DLGAP1: variants seen among roughly 807,000 people sequenced by gnomAD.
DLGAP1 encodes the protein disks large-associated protein 1.
Under a neutral mutation model 90.8 loss-of-function variants are expected in DLGAP1, and 11 were observed. That is an observed-to-expected ratio of 0.12 (90% CI 0.08 to 0.20). The LOEUF (loss-of-function observed/expected upper bound fraction) is 0.20, where lower values mean the gene tolerates loss of function less well. DLGAP1 is among the 10% of genes least tolerant of loss of function. The pLI, the probability that DLGAP1 is intolerant of heterozygous loss-of-function variation, is 1.00. For missense variants in DLGAP1, 1,050 were observed against 1,333.8 expected (o/e 0.79, Z 3.31); for synonymous variants, 558 against 540.7 (o/e 1.03, Z -0.44).
intron 1 of DLGAP1, among the ~76,000 whole-genome samples, chr18:4,442,496 T>C (rs907898364): frequency 6.6e-6 from 1 of 152,284 alleles, no homozygotes; most frequent in Admixed American, 6.5e-5. Flanking sequence ...CAAAATACAG[T>C]AACAGGTATC....
chr18:4,181,422 AT>A (rs2077205524), intron 1 of DLGAP1, among the ~76,000 whole-genome samples: 1 of 152,198 alleles, frequency 6.6e-6, no homozygotes, highest in African/African-American at 2.4e-5. Flanking sequence ...ACATTTTTTA[AT>A]TTCACAGGTG....
At chr18:4,147,585 CCATCCATCCATCCAT>C (rs2076606785) in intron 2 of DLGAP1, among the ~76,000 whole-genome samples, 7 of 89,166 alleles carry the variant, frequency 7.9e-5, no homozygotes, top group Admixed American at 7.7e-4. Context: ...ATCCATCCAT[CCATCCATCCATCCAT>C]CCATCCATCC....
chr18:3,566,642 A>G (rs1173930821), intron 9 of DLGAP1, among the ~76,000 whole-genome samples: 1 of 152,172 alleles, frequency 6.6e-6, no homozygotes, highest in Non-Finnish European at 1.5e-5. Flanking sequence ...TGGATAGGTG[A>G]CATTCAAATG....
intron 2 of DLGAP1, among the ~76,000 whole-genome samples, chr18:4,059,343 C>T (rs544411875): frequency 4.4e-4 from 67 of 152,264 alleles, no homozygotes; most frequent in Middle Eastern, 3.4e-3. Flanking sequence ...CCCTTGGATG[C>T]ATCCCCAAGA....
intron 1 of DLGAP1, among the ~76,000 whole-genome samples, chr18:4,328,663 T>G (rs914774130): frequency 2.0e-5 from 3 of 151,994 alleles, no homozygotes; most frequent in Non-Finnish European, 4.4e-5. Flanking sequence ...TTTCTACCAG[T>G]AATGTACGTT....
chr18:3,614,139 C>G (rs1236976086), intron 7 of DLGAP1, among the ~76,000 whole-genome samples: 2 of 151,942 alleles, frequency 1.3e-5, no homozygotes, highest in African/African-American at 2.4e-5. Context: ...AGACTGGTCT[C>G]GAACTCCTGA....
At chr18:4,436,335 G>A (rs540302206) in intron 1 of DLGAP1, among the ~76,000 whole-genome samples, 42 of 152,162 alleles carry the variant, frequency 2.8e-4, no homozygotes, top group Non-Finnish European at 4.1e-4. Flanking sequence ...TGAAACTTTA[G>A]TGCACATCTT....
intron 1 of DLGAP1, among the ~76,000 whole-genome samples, chr18:4,279,159 A>G (rs938835720): frequency 4.6e-5 from 7 of 152,222 alleles, no homozygotes; most frequent in African/African-American, 1.7e-4. Context: ...ACTATTTCTT[A>G]GTAGCTGTAT....
At chr18:4,160,030 C>T (rs917629902) in intron 1 of DLGAP1, among the ~76,000 whole-genome samples, 2 of 152,182 alleles carry the variant, frequency 1.3e-5, no homozygotes, top group Admixed American at 1.3e-4. Context: ...TGCGTAATGA[C>T]TCATTGTGAT....
At chr18:3,940,315 A>C (rs975541635) in intron 3 of DLGAP1, among the ~76,000 whole-genome samples, 1 of 152,212 alleles carries the variant, frequency 6.6e-6, no homozygotes, top group African/African-American at 2.4e-5. Flanking sequence ...AGAGACTCTA[A>C]GCTGGAGCAC....
Position 3,499,131 on chromosome 18 carries a change from G to A in DLGAP1, c.*54C>T. The A allele has an allele frequency of 2.8e-6, 4 of 1,436,490 alleles. No homozygotes were observed. Among genetic ancestry groups the A allele is most frequent in the Non-Finnish European group, 2.8e-6 (3 of 1,090,518 alleles). 89.0% of individuals were successfully genotyped at this position (1,436,490 alleles called of 1,614,324 possible). A position where few individuals can be genotyped will look rare whatever the true frequency, so the allele number is the denominator to read the frequency against. Reference sequence around the variant, plus strand: ...GGGGAGAGGCAGCCGGCAGAGGAGCGGCCGGGGGAGGAGGGGACAGATGCT... The same window carrying A: ...GGGGAGAGGCAGCCGGCAGAGGAGCAGCCGGGGGAGGAGGGGACAGATGCT... On this transcript the variant is annotated 3_prime_UTR_variant, in exon 13 of 13. Coordinates refer to ENST00000315677, the MANE Select transcript of DLGAP1 (RefSeq NM_004746.4). The surrounding 1 kb of genome is among the most constrained non-coding windows in gnomAD (Gnocchi z 6.4).
At chr18:3,773,697 A>G (rs1287712988) in intron 5 of DLGAP1, among the ~76,000 whole-genome samples, 1 of 152,214 alleles carries the variant, frequency 6.6e-6, no homozygotes, top group Admixed American at 6.5e-5. Context: ...TTTTTAACTG[A>G]TAGTAAGTGC....
rs140916464 is a variant in DLGAP1, at chr18:4,372,154, G to A, written c.-267+82852C>T. On this transcript the variant is annotated intron_variant, in intron 1 of 12. Coordinates refer to ENST00000315677, the MANE Select transcript of DLGAP1 (RefSeq NM_004746.4). ...GAGTTAAGGAGAAATGCAATATATG[G>A]TTTATGTCTTGAGAAACTTTGGCTT... is the stretch of plus-strand genomic sequence containing the variant. 1.8e-3 allele frequency among the ~76,000 whole-genome samples: 278 copies of A among 152,312 alleles called. 1 individual carries two copies. Among genetic ancestry groups the A allele is most frequent in the Middle Eastern group, 0.01 (3 of 294 alleles).
At chr18:4,260,637 C>A (rs1006296841) in intron 1 of DLGAP1, among the ~76,000 whole-genome samples, 1 of 151,986 alleles carries the variant, frequency 6.6e-6, no homozygotes, top group South Asian at 2.1e-4. Context: ...CCATATTTCT[C>A]GATAAATATC....
intron 1 of DLGAP1, among the ~76,000 whole-genome samples, chr18:4,376,159 G>T (rs113851233): frequency 2.4e-4 from 36 of 152,208 alleles, no homozygotes; most frequent in African/African-American, 8.4e-4. Flanking sequence ...CATCTATAAA[G>T]GAATTATTTC....
chr18:4,051,702 A>G (rs2075136453), intron 2 of DLGAP1, among the ~76,000 whole-genome samples: 6 of 152,164 alleles, frequency 3.9e-5, no homozygotes, highest in African/African-American at 1.2e-4. Context: ...CAGTCCCTCA[A>G]GGTCTCAACT....
At chr18:3,748,393 G>A (rs144357694) in intron 5 of DLGAP1, among the ~76,000 whole-genome samples, 1,866 of 152,338 alleles carry the variant, frequency 0.012, 41 homozygotes, top group South Asian at 0.041. Context: ...CATATTACTG[G>A]AAATAACTTC....
intron 1 of DLGAP1, among the ~76,000 whole-genome samples, chr18:4,231,868 A>G (rs73376908): frequency 0.069 from 10,545 of 152,224 alleles, 532 homozygotes; most frequent in African/African-American, 0.13. Flanking sequence ...AGATGCACAC[A>G]TTAGTAGGGA....
At chr18:4,188,020 A>C (rs2077329693) in intron 1 of DLGAP1, among the ~76,000 whole-genome samples, 1 of 151,900 alleles carries the variant, frequency 6.6e-6, no homozygotes, top group Non-Finnish European at 1.5e-5. Context: ...AAAACAAAAC[A>C]AACCCATTAA....
Sources: allele counts gnomAD v4.1 joint callset (sites outside exome capture counted in the v4.1 genomes callset), GRCh38; gene constraint gnomAD v4.1.1; non-coding constraint Gnocchi (gnomAD v3.1); transcripts MANE v1.5; gene names NCBI Gene and HGNC (gene_info 2026-07-23, HGNC 2026-07-21).